Variants in PDE1A observed in about 807,000 individuals in gnomAD.
The protein encoded by PDE1A is phosphodiesterase 1A, also known as dual specificity calcium/calmodulin-dependent 3',5'-cyclic nucleotide phosphodiesterase 1A.
In PDE1A, 35 loss-of-function variants were observed where a neutral mutation model predicts 61.7. The observed-to-expected ratio is 0.57, with a 90% CI of 0.43 to 0.75. The LOEUF (loss-of-function observed/expected upper bound fraction) is 0.75. PDE1A is among the 30% of genes least tolerant of loss of function. The pLI is 0.00. For synonymous variants in PDE1A, 232 were observed against 213.2 expected (o/e 1.09, Z -0.77); for missense variants, 597 against 630.6 (o/e 0.95, Z 0.57).
At chr2:182,660,889 G>A in the PDE1A span, among the ~76,000 whole-genome samples, 1 of 152,146 alleles carries the variant, frequency 6.6e-6, no homozygotes, top group Admixed American at 6.5e-5. Context: ...TCCTCGCCCT[G>A]GAAACCCTGG....
chr2:182,197,481 G>T (rs1024666324), intron 10 of PDE1A, among the ~76,000 whole-genome samples: 1 of 150,058 alleles, frequency 6.7e-6, no homozygotes, highest in Non-Finnish European at 1.5e-5. Context: ...ACCTACCCCC[G>T]AGATTAGAGA....
rs900575300 is a variant in PDE1A at position 182,276,698 on chromosome 2, A to G, written c.54-12284T>C. Reference sequence around the variant, plus strand: ...GACTGCCTGTGGGGTTGGCCACAATACAGCCATATTTTTCTTCTTGCAGAG... The same window carrying G: ...GACTGCCTGTGGGGTTGGCCACAATGCAGCCATATTTTTCTTCTTGCAGAG... On this transcript the variant is annotated intron_variant, in intron 1 of 13. Transcript: ENST00000351439. Among the ~76,000 whole-genome samples the G allele has an allele frequency of 2.6e-5, 4 of 152,224 alleles. No homozygotes were observed. The East Asian group carries it at 7.7e-4, about 29-fold the overall frequency.
rs111557792 is a variant in PDE1A, at chr2:182,347,695, C to T, written c.53+78883G>A. Reference sequence around the variant, plus strand: ...GCAGTAAGAATGAATACGGTGAATGCTCCATTTTCAAAGAAATTGCCAACT... The same window carrying T: ...GCAGTAAGAATGAATACGGTGAATGTTCCATTTTCAAAGAAATTGCCAACT... On this transcript the variant is annotated intron_variant, in intron 1 of 13. Transcript: ENST00000351439. 6.0e-3 allele frequency among the ~76,000 whole-genome samples: 912 copies of T among 152,078 alleles called. 9 individuals are homozygous for T. The highest frequency in any genetic ancestry group is 0.035 in the South Asian group (171 of 4,820).
chr2:182,279,163 A>T (rs1470792248), intron 1 of PDE1A, among the ~76,000 whole-genome samples: 2 of 151,994 alleles, frequency 1.3e-5, no homozygotes, highest in African/African-American at 4.8e-5. Flanking sequence ...TTAGTTTTTC[A>T]TCTTATGTAG....
At chr2:182,466,571 G>A (rs903295594) in intron 2 of PDE1A, among the ~76,000 whole-genome samples, 26 of 151,922 alleles carry the variant, frequency 1.7e-4, no homozygotes, top group African/African-American at 6.0e-4. Context: ...GGAGAGGTGA[G>A]GATGGAAACA....
intron 2 of PDE1A, among the ~76,000 whole-genome samples, chr2:182,511,451 G>T (rs1689781691): frequency 1.3e-5 from 2 of 152,148 alleles, no homozygotes; most frequent in Admixed American, 1.3e-4. Context: ...TCTCACCACA[G>T]ACCTCCAGAA....
At chr2:182,183,208 A>C (rs1283759388) in intron 13 of PDE1A, among the ~76,000 whole-genome samples, 1 of 152,224 alleles carries the variant, frequency 6.6e-6, no homozygotes, top group East Asian at 1.9e-4. Context: ...TAGTGATGTA[A>C]AGAAGTCGAG....
At chr2:182,335,529 A>G (rs562783938) in intron 1 of PDE1A, among the ~76,000 whole-genome samples, 3 of 152,338 alleles carry the variant, frequency 2.0e-5, no homozygotes, top group South Asian at 2.1e-4. Context: ...AGGATTCCCT[A>G]TTTAATAAAT....
At chr2:182,382,087 C>T (rs1037231404) in intron 1 of PDE1A, among the ~76,000 whole-genome samples, 1 of 151,970 alleles carries the variant, frequency 6.6e-6, no homozygotes, top group Admixed American at 6.6e-5. Flanking sequence ...CCCCAATAAC[C>T]CTTACCTTTT....
chr2:182,700,830 T>G, the PDE1A span, among the ~76,000 whole-genome samples: 2 of 150,480 alleles, frequency 1.3e-5, no homozygotes, highest in African/African-American at 2.4e-5. Flanking sequence ...GGAGAGAAAA[T>G]TGCTTGAATC....
the PDE1A span, among the ~76,000 whole-genome samples, chr2:182,647,214 C>G: frequency 1.3e-5 from 2 of 152,308 alleles, no homozygotes; most frequent in Non-Finnish European, 2.9e-5. Flanking sequence ...GGGGACATCA[C>G]TGCGTGCACT....
At chr2:182,488,004 C>T (rs1175662755) in intron 2 of PDE1A, among the ~76,000 whole-genome samples, 1 of 152,196 alleles carries the variant, frequency 6.6e-6, no homozygotes, top group East Asian at 1.9e-4. Context: ...TTATAGTTTT[C>T]TTTTATAATA....
chr2:182,536,229 T>C, the PDE1A span, among the ~76,000 whole-genome samples: 17 of 152,360 alleles, frequency 1.1e-4, no homozygotes, highest in East Asian at 1.9e-4. Context: ...CAAAATGTTA[T>C]ACAGGAAGCA....
At chr2:182,644,106 T>C in the PDE1A span, among the ~76,000 whole-genome samples, 89 of 142,904 alleles carry the variant, frequency 6.2e-4, no homozygotes, top group Admixed American at 1.4e-3. Context: ...AAGTCAGAGA[T>C]ACCTTCTCTC....
chr2:182,241,682 A>C lies in PDE1A; in HGVS notation c.168-1390T>G, dbSNP rs116112406. 4,828 of 579,002 alleles carry C rather than the reference A, an allele frequency of 8.3e-3. 40 individuals are homozygous for C. The highest frequency in any genetic ancestry group is 0.014 in the Admixed American group (370 of 26,486). The allele number at this position is 579,002 out of a possible 1,614,324, so 35.9% of individuals were successfully genotyped here. On this transcript the variant is annotated intron_variant, in intron 2 of 13. Coordinates refer to ENST00000351439, the Ensembl canonical transcript of PDE1A. Reference sequence around the variant, plus strand: ...TTTTCCATGGTATTAAATAAGCATGAATGTATTTATGAAATACCTTATAAA... The same window carrying C: ...TTTTCCATGGTATTAAATAAGCATGCATGTATTTATGAAATACCTTATAAA...
chr2:182,406,098 C>G (rs960535347), intron 1 of PDE1A, among the ~76,000 whole-genome samples: 2 of 151,866 alleles, frequency 1.3e-5, no homozygotes, highest in African/African-American at 4.8e-5. Context: ...TTTGAGCATG[C>G]TGTTAAGCAC....
intron 13 of PDE1A, among the ~76,000 whole-genome samples, chr2:182,183,188 C>T (rs1237576443): frequency 6.6e-6 from 1 of 152,160 alleles, no homozygotes; most frequent in African/African-American, 2.4e-5. Context: ...AAGAGGAATA[C>T]TTCCTGCTAT....
At chr2:182,277,939 T>C (rs143268771) in intron 1 of PDE1A, among the ~76,000 whole-genome samples, 14 of 152,148 alleles carry the variant, frequency 9.2e-5, no homozygotes, top group African/African-American at 3.1e-4. Context: ...ATGACAAGGT[T>C]ACACTGAACA....
chr2:182,367,125 T>G (rs965592331), intron 1 of PDE1A, among the ~76,000 whole-genome samples: 1 of 152,136 alleles, frequency 6.6e-6, no homozygotes, highest in East Asian at 1.9e-4. Context: ...TTATAAAATT[T>G]TCAAGTTAGA....
Sources: gnomAD v4.1 joint callset for allele counts (sites outside exome capture counted in the v4.1 genomes callset) on GRCh38, gnomAD v4.1.1 for gene constraint, MANE v1.5 for transcripts, NCBI Gene and HGNC (gene_info 2026-07-23, HGNC 2026-07-21) for gene names.